The following KCNT1 variants were observed in gnomAD, a reference collection of about 807,000 sequenced individuals.
KCNT1 encodes the protein potassium sodium-activated channel subfamily T member 1.
In KCNT1, 78 loss-of-function variants were observed where a neutral mutation model predicts 147.8. The observed-to-expected ratio is 0.53, with a 90% CI of 0.44 to 0.64. The LOEUF is 0.64. KCNT1 is among the 30% of genes least tolerant of loss of function. KCNT1 has a pLI of 0.00. For synonymous variants in KCNT1, 867 were observed against 748.8 expected (o/e 1.16, Z -2.58); for missense variants, 1,419 against 1,750.3 (o/e 0.81, Z 3.38).
intron 11 of KCNT1, among the ~76,000 whole-genome samples, chr9:135,764,588 G>A (rs55785626): frequency 0.23 from 34,906 of 152,120 alleles, 4,148 homozygotes; most frequent in Middle Eastern, 0.34. Flanking sequence ...TGGGGAGCAT[G>A]AGCCAGGGCA....
chr9:135,774,770 A>G (rs1833038992), intron 19 of KCNT1, among the ~76,000 whole-genome samples: 1 of 151,966 alleles, frequency 6.6e-6, no homozygotes. Context: ...GTGTGCCTGT[A>G]TGGGGCCATG....
chr9:135,746,624 G>A (rs936946535), intron 2 of KCNT1, among the ~76,000 whole-genome samples: 3 of 152,240 alleles, frequency 2.0e-5, no homozygotes, highest in Non-Finnish European at 4.4e-5. Context: ...GAGGCCCAAG[G>A]CCCAGAGGTC....
chr9:135,741,083 A>G (rs571006424), intron 2 of KCNT1, among the ~76,000 whole-genome samples: 1 of 152,224 alleles, frequency 6.6e-6, no homozygotes, highest in South Asian at 2.1e-4. Context: ...TCCTCTACCC[A>G]TGTGCTTGGT....
intron 1 of KCNT1, among the ~76,000 whole-genome samples, chr9:135,710,401 AGGTC>A (rs1835437792): frequency 1.3e-5 from 2 of 152,214 alleles, no homozygotes; most frequent in African/African-American, 4.8e-5. Context: ...ATAAGGAACA[AGGTC>A]AAGTGCATTT....
At chr9:135,742,502 G>C (rs1003990217) in intron 2 of KCNT1, among the ~76,000 whole-genome samples, 2 of 152,122 alleles carry the variant, frequency 1.3e-5, no homozygotes, top group Non-Finnish European at 1.5e-5. Flanking sequence ...CTGCTTTCTC[G>C]GGCCCTGAGG....
chr9:135,702,340 G>A lies in KCNT1; in HGVS notation c.82G>A (p.Glu28Lys). ...RGGGYTNRTF[E>K]FDDGQCAPRR... ...CGGGGGCTACACCAACCGGACCTTCGAGTTTGACGACGGCCAATGCGCCCC... is the reference window on the plus strand; with the variant it reads ...CGGGGGCTACACCAACCGGACCTTCAAGTTTGACGACGGCCAATGCGCCCC... The change falls in exon 1 of 31, where the codon GAG becomes AAG. Residue 28 changes from glutamate (E) to lysine (K), a missense_variant. Physicochemically the swap from Glu to Lys is moderately conservative, Grantham distance 56. Transcript: ENST00000371757. The A allele has an allele frequency of 3.1e-6, 5 of 1,611,522 alleles. No individual in the cohort carries two copies. Among genetic ancestry groups the A allele is most frequent in the Non-Finnish European group, 3.4e-6 (4 of 1,179,292 alleles).
chr9:135,764,174 A>G (rs1832099567), intron 11 of KCNT1, among the ~76,000 whole-genome samples: 2 of 152,156 alleles, frequency 1.3e-5, no homozygotes, highest in Admixed American at 1.3e-4. Flanking sequence ...CGTGTTCAAC[A>G]AGCCGGGCAC....
Position 135,714,478 on chromosome 9 carries a change from G to A in KCNT1, c.111-99G>A. On this transcript the variant is annotated intron_variant, in intron 1 of 30. Coordinates refer to ENST00000371757, the MANE Select transcript of KCNT1 (RefSeq NM_020822.3). This position sits in a 1 kb window ranked among gnomAD's most constrained non-coding sequence, Gnocchi z 6.2. Reference sequence around the variant, plus strand: ...GCCCGCCCGGTGGGTCGCGGTGGCCGCGGGCTGCGCTGCGCGGGCCGGGCC... The same window carrying A: ...GCCCGCCCGGTGGGTCGCGGTGGCCACGGGCTGCGCTGCGCGGGCCGGGCC... The A allele has an allele frequency of 3.5e-6, 3 of 847,822 alleles. No homozygotes were observed. The highest frequency in any genetic ancestry group is 2.8e-6 in the Non-Finnish European group (2 of 707,550). 52.5% of individuals were successfully genotyped at this position (847,822 alleles called of 1,614,324 possible).
rs913107639 is a variant in KCNT1, at chr9:135,752,836, A to ATGGAGGGATGAGTGAATGGG, written c.435-1086_435-1067dup. ...GGATGGGTGGAGGGATGGATGTTGG[A>ATGGAGGGATGAGTGAATGGG]TGGAGGGATGAGTGAATGGGTGGAG... On this transcript the variant is annotated intron_variant, in intron 4 of 30. Coordinates refer to ENST00000371757, the MANE Select transcript of KCNT1 (RefSeq NM_020822.3). This position sits in a 1 kb window ranked among gnomAD's most constrained non-coding sequence, Gnocchi z 5.1. 2.3e-3 allele frequency among the ~76,000 whole-genome samples: 331 copies of ATGGAGGGATGAGTGAATGGG among 142,692 alleles called. No homozygotes were observed. Among genetic ancestry groups the ATGGAGGGATGAGTGAATGGG allele is most frequent in the Non-Finnish European group, 4.1e-3 (273 of 65,832 alleles). The allele number at this position is 142,692 out of a possible 152,430, so 93.6% of individuals were successfully genotyped here.
Position 135,782,806 on chromosome 9 carries a change from T to A in KCNT1, c.2842-1218T>A, listed in dbSNP as rs539998473. ...GTACGGCTGGAATTCTGGATGCAAA[T>A]CACCACGATTGCAAACTCACACGCC... On this transcript the variant is annotated intron_variant, in intron 24 of 30. Coordinates refer to ENST00000371757, the MANE Select transcript of KCNT1 (RefSeq NM_020822.3). Among the ~76,000 whole-genome samples, 47 of 152,344 alleles carry A rather than the reference T, an allele frequency of 3.1e-4. No individual in the cohort carries two copies. The Middle Eastern group carries it at 0.01, about 33-fold the overall frequency.
At chr9:135,771,171 AC>A in intron 18 of KCNT1, 76 bp downstream of exon 18, 1 of 1,356,884 alleles carries the variant, frequency 7.4e-7, no homozygotes, top group Non-Finnish European at 1.0e-6. Context: ...CCGGCAGGTG[AC>A]CAGGTGGGAT....
rs756234145 is a variant in KCNT1, at chr9:135,750,085, T to C, written c.255-13T>C. 2.5e-6 allele frequency: 4 copies of C among 1,612,564 alleles called. No individual in the cohort carries two copies. The South Asian group carries it at 4.4e-5, about 18-fold the overall frequency. ...CTGGCCCTGAGCCTCCATGCCCCTC[T>C]CTGCTTCTTCAGGGTCCAGGTGGAG... On this transcript the variant is annotated splice_polypyrimidine_tract_variant and intron_variant, in intron 2 of 30. Transcript: ENST00000371757.
At chr9:135,744,614 G>A (rs558371480) in intron 2 of KCNT1, among the ~76,000 whole-genome samples, 1 of 152,370 alleles carries the variant, frequency 6.6e-6, no homozygotes, top group Non-Finnish European at 1.5e-5. Flanking sequence ...GGGCTACAGC[G>A]GGCTTCAGCC....
chr9:135,768,344 T>TGG (rs1304726006), intron 13 of KCNT1: 46 of 25,712 alleles, frequency 1.8e-3, no homozygotes, highest in East Asian at 0.011. Flanking sequence ...TGATGTGGGT[T>TGG]GGGGGGGGGG....
At chr9:135,732,776 CAT>C (rs1287332298) in intron 2 of KCNT1, among the ~76,000 whole-genome samples, 3 of 147,094 alleles carry the variant, frequency 2.0e-5, no homozygotes, top group South Asian at 2.2e-4. Context: ...CTCTCTCTCT[CAT>C]TCTCTCTCTC....
At position 135,785,292 on chromosome 9, in the gene KCNT1, C is replaced by G; in HGVS notation, c.3157-18C>G. On this transcript the variant is annotated intron_variant, in intron 27 of 30. Transcript: ENST00000371757. ...GGGTGCGCCCACAGGTCCCAGACTG[C>G]GCCTGTTTCCTTTGCAGCCCCACGA... is the stretch of plus-strand genomic sequence containing the variant. 6.2e-7 allele frequency: 1 copy of G among 1,612,694 alleles called. No homozygotes were observed. Among genetic ancestry groups the G allele is most frequent in the Non-Finnish European group, 8.5e-7 (1 of 1,179,838 alleles).
rs896974484 is a variant in KCNT1, at chr9:135,785,256, G to A, written c.3157-54G>A. 1.1e-5 allele frequency: 17 copies of A among 1,607,168 alleles called. 1 individual carries two copies. Among genetic ancestry groups the A allele is most frequent in the African/African-American group, 5.3e-5 (4 of 74,882 alleles). ...CGTGCAGACCCCAGGCTGAGGCGGC[G>A]TGGGGGGCAGGGGTGCGCCCACAGG... On this transcript the variant is annotated intron_variant, in intron 27 of 30. Transcript: ENST00000371757.
At chr9:135,711,576 T>C (rs1835489784) in intron 1 of KCNT1, among the ~76,000 whole-genome samples, 1 of 152,248 alleles carries the variant, frequency 6.6e-6, no homozygotes, top group Non-Finnish European at 1.5e-5. Flanking sequence ...CAGCTGGCAC[T>C]GAGCACAGCT....
intron 24 of KCNT1, among the ~76,000 whole-genome samples, chr9:135,780,709 G>A (rs181160244): frequency 8.5e-5 from 13 of 152,308 alleles, no homozygotes; most frequent in East Asian, 7.8e-4. Flanking sequence ...GCCCAGCGTC[G>A]GGAGCTCCTG....
Sources: gnomAD v4.1 joint callset for allele counts (sites outside exome capture counted in the v4.1 genomes callset) on GRCh38, gnomAD v4.1.1 for gene constraint, Gnocchi (gnomAD v3.1) non-coding constraint, MANE v1.5 for transcripts, NCBI Gene and HGNC (gene_info 2026-07-23, HGNC 2026-07-21) for gene names.